The following PPM1E variants were observed in gnomAD, a reference collection of about 807,000 sequenced individuals.
PPM1E encodes protein phosphatase 1E.
A neutral mutation model predicts 65.9 loss-of-function variants in PPM1E; 20 were observed. The ratio of observed to expected loss-of-function variants is 0.30; its 90% CI spans 0.21 to 0.44. The LOEUF (loss-of-function observed/expected upper bound fraction) is 0.44. PPM1E is among the 20% of genes least tolerant of loss of function. The probability of loss-of-function intolerance (pLI) is 1.00; values close to 1 mark genes in which losing one functional copy is unlikely to be tolerated. For missense variants in PPM1E, 713 were observed against 953.1 expected, an observed-to-expected ratio of 0.75 and a Z score of 3.32; for synonymous variants, 352 against 374.9, an observed-to-expected ratio of 0.94 and a Z score of 0.70.
intron 1 of PPM1E, among the ~76,000 whole-genome samples, chr17:58,941,145 C>T (rs971574312): frequency 4.6e-5 from 7 of 152,056 alleles, no homozygotes; most frequent in South Asian, 2.1e-4. Context: ...TAAAGATAAG[C>T]GATTTTTACA....
intron 1 of PPM1E, among the ~76,000 whole-genome samples, chr17:58,947,889 G>A (rs1267637179): frequency 1.3e-5 from 2 of 152,132 alleles, no homozygotes; most frequent in Non-Finnish European, 2.9e-5. Flanking sequence ...CTGAAGGCTT[G>A]TGAACTTACA....
At chr17:58,798,075 T>G (rs1264599970) in intron 1 of PPM1E, among the ~76,000 whole-genome samples, 1 of 152,228 alleles carries the variant, frequency 6.6e-6, no homozygotes, top group Non-Finnish European at 1.5e-5. Flanking sequence ...TTATATAACT[T>G]CATTTGTAAA....
intron 1 of PPM1E, among the ~76,000 whole-genome samples, chr17:58,850,360 T>G (rs182013211): frequency 6.6e-6 from 1 of 152,354 alleles, no homozygotes; most frequent in Admixed American, 6.5e-5. Flanking sequence ...TGATGCAGTT[T>G]CTTCCTCGCA....
At chr17:58,794,253 AT>A (rs949860278) in intron 1 of PPM1E, among the ~76,000 whole-genome samples, 19 of 149,592 alleles carry the variant, frequency 1.3e-4, no homozygotes, top group African/African-American at 4.2e-4. Flanking sequence ...CCAATTTTTA[AT>A]TTTTTTTTAG....
intron 1 of PPM1E, among the ~76,000 whole-genome samples, chr17:58,860,573 C>T (rs548436795): frequency 6.6e-6 from 1 of 152,270 alleles, no homozygotes; most frequent in African/African-American, 2.4e-5. Flanking sequence ...TGTGTTATAC[C>T]ATCCCCAATT....
intron 1 of PPM1E, among the ~76,000 whole-genome samples, chr17:58,921,648 G>C (rs934802311): frequency 8.7e-5 from 13 of 148,594 alleles, no homozygotes; most frequent in Admixed American, 2.0e-4. Flanking sequence ...TTGGGTGACA[G>C]AGTGAGACTC....
chr17:58,867,107 A>T (rs2051014167), intron 1 of PPM1E, among the ~76,000 whole-genome samples: 1 of 152,110 alleles, frequency 6.6e-6, no homozygotes, highest in Admixed American at 6.5e-5. Flanking sequence ...CAGCCCCCTG[A>T]GTAGCTGGGA....
In PPM1E at chr17:58,965,739, A is replaced by C; in HGVS notation, c.629A>C (p.His210Pro). Reference protein sequence around the residue: ...KLARSVFSKLHEICCSWVKDF... With the variant: ...KLARSVFSKLPEICCSWVKDF... ...GCCCGTTCTGTCTTCAGCAAACTAC[A>C]CGAGATTTGCTGCAGCTGGGTGAAA... Residue 210 changes from histidine to proline, a missense_variant, in exon 3 of 7, where the codon CAC becomes CCC. His to Pro is a moderately conservative substitution (Grantham distance 77). Around this residue, in one of 6 missense-constraint regions of PPM1E, gnomAD observed 84 missense variants for 113.9 expected, o/e 0.74. Transcript: ENST00000308249. 1 of 1,614,086 alleles carries C rather than the reference A, an allele frequency of 6.2e-7. No homozygotes were observed. The highest frequency in any genetic ancestry group is 2.2e-5 in the East Asian group (1 of 44,874).
chr17:58,769,014 A>G (rs140751192), intron 1 of PPM1E, among the ~76,000 whole-genome samples: 1 of 152,220 alleles, frequency 6.6e-6, no homozygotes, highest in South Asian at 2.1e-4. Flanking sequence ...GAAATTCTTT[A>G]AACAATAGAC....
chr17:58,757,312 C>T (rs1294633401), intron 1 of PPM1E, among the ~76,000 whole-genome samples: 2 of 152,182 alleles, frequency 1.3e-5, no homozygotes, highest in African/African-American at 4.8e-5. Context: ...AAGCAGATGG[C>T]TTAGCTACAC....
At chr17:58,963,242 C>T (rs1050165072) in intron 2 of PPM1E, among the ~76,000 whole-genome samples, 3 of 150,710 alleles carry the variant, frequency 2.0e-5, no homozygotes, top group Admixed American at 6.6e-5. Flanking sequence ...ACAAAATTAG[C>T]TGAGTGTGGT....
At chr17:58,756,524 G>C (rs1291594024) in intron 1 of PPM1E, 63 bp downstream of exon 1, 2 of 1,257,702 alleles carry the variant, frequency 1.6e-6, no homozygotes, top group East Asian at 6.4e-5. Context: ...CCTCGGACGC[G>C]GCTCCCTCGG....
chr17:58,966,283 T>C, intron 3 of PPM1E: 1 of 362,334 alleles, frequency 2.8e-6, no homozygotes, highest in Middle Eastern at 3.8e-4. Context: ...GGGAGGCTGA[T>C]ACGGGAGGAT....
chr17:58,884,943 C>T (rs1366146430), intron 1 of PPM1E, among the ~76,000 whole-genome samples: 2 of 152,060 alleles, frequency 1.3e-5, no homozygotes. Flanking sequence ...TATTAATCTC[C>T]TTAGATTTAT....
chr17:58,891,435 G>T (rs2051343206), intron 1 of PPM1E, among the ~76,000 whole-genome samples: 1 of 152,064 alleles, frequency 6.6e-6, no homozygotes, highest in African/African-American at 2.4e-5. Context: ...CAGTTCTCCT[G>T]CCTCAGCCTC....
At chr17:58,793,784 C>T (rs2075861601) in intron 1 of PPM1E, among the ~76,000 whole-genome samples, 1 of 152,144 alleles carries the variant, frequency 6.6e-6, no homozygotes, top group Non-Finnish European at 1.5e-5. Context: ...AAGGTCTCAA[C>T]ATCTATTTTA....
intron 1 of PPM1E, among the ~76,000 whole-genome samples, chr17:58,772,587 A>G (rs2049950928): frequency 6.6e-6 from 1 of 152,202 alleles, no homozygotes; most frequent in Admixed American, 6.6e-5. Context: ...ATTAGCCAAG[A>G]GGAAGAGGGA....
At position 58,851,311 on chromosome 17, in the gene PPM1E, C is replaced by T. The variant is rs1229675902; in HGVS notation, c.464+94850C>T. On this transcript the variant is annotated intron_variant, in intron 1 of 6. Coordinates refer to ENST00000308249, the MANE Select transcript of PPM1E (RefSeq NM_014906.5). ...AAGTCATTCTCCGTCCAGCTTTGTT[C>T]TGTTGCTGACGAGGAGCTGTGTTCC... 2.6e-5 allele frequency among the ~76,000 whole-genome samples: 4 copies of T among 152,202 alleles called. No individual in the cohort carries two copies. In the East Asian group the frequency reaches 7.7e-4, roughly 29 times the overall value.
At chr17:58,966,787 A>C (rs2030283415) in intron 3 of PPM1E, 1 of 153,058 alleles carries the variant, frequency 6.5e-6, no homozygotes, top group Admixed American at 6.5e-5. Flanking sequence ...CCATAACTTA[A>C]AAATTACAAT....
Sources: gnomAD v4.1 joint callset for allele counts (sites outside exome capture counted in the v4.1 genomes callset) on GRCh38, gnomAD v4.1.1 for gene constraint, gnomAD v4.1.1 regional missense constraint, MANE v1.5 for transcripts, NCBI Gene and HGNC (gene_info 2026-07-23, HGNC 2026-07-21) for gene names.